Variants in AADAT observed in about 807,000 individuals in gnomAD.
The protein encoded by AADAT is aminoadipate aminotransferase.
In AADAT, 25 loss-of-function variants were observed where a neutral mutation model predicts 56.2. The ratio of observed to expected loss-of-function variants is 0.44; its 90% CI spans 0.32 to 0.62. The LOEUF (loss-of-function observed/expected upper bound fraction) is 0.62, where lower values mean the gene tolerates loss of function less well. AADAT is among the 20% of genes least tolerant of loss of function. The pLI, the probability that AADAT is intolerant of heterozygous loss-of-function variation, is 0.04. For missense variants in AADAT, 387 were observed against 510.5 expected, an observed-to-expected ratio of 0.76 and a Z score of 2.33; for synonymous variants, 173 against 164.7, an observed-to-expected ratio of 1.05 and a Z score of -0.39.
At chr4:170,062,716 T>G (rs1277204854) in intron 11 of AADAT, among the ~76,000 whole-genome samples, 1 of 152,134 alleles carries the variant, frequency 6.6e-6, no homozygotes, top group African/African-American at 2.4e-5. Flanking sequence ...TGAGAGCGAA[T>G]CCTAATCAAT....
chr4:170,088,622 G>A lies in AADAT; in HGVS notation c.68-58C>T, dbSNP rs1376608628. The A allele has an allele frequency of 2.6e-6, 4 of 1,518,534 alleles. No homozygotes were observed. In the African/African-American group the frequency reaches 4.1e-5, roughly 16 times the overall value. The allele number at this position is 1,518,534 out of a possible 1,614,324, so 94.1% of individuals were successfully genotyped here. A position where few individuals can be genotyped will look rare whatever the true frequency, so the allele number is the denominator to read the frequency against. ...CATTGAAGATTGTTATAAGCGGATA[G>A]TTAAGCATGCATTATAGTCAATAAA... is the stretch of plus-strand genomic sequence containing the variant. On this transcript the variant is annotated intron_variant, in intron 1 of 12. Coordinates refer to ENST00000337664, the MANE Select transcript of AADAT (RefSeq NM_016228.4).
At position 170,089,399 on chromosome 4, in the gene AADAT, C is replaced by G. The variant is rs1434477419; in HGVS notation, c.67+225G>C. 3 of 603,090 alleles carry G rather than the reference C, an allele frequency of 5.0e-6. No homozygotes were observed. In the East Asian group the frequency reaches 8.5e-5, roughly 17 times the overall value. The allele number at this position is 603,090 out of a possible 1,614,324, so 37.4% of individuals were successfully genotyped here. A position where few individuals can be genotyped will look rare whatever the true frequency, so the allele number is the denominator to read the frequency against. On this transcript the variant is annotated intron_variant, in intron 1 of 12. Coordinates refer to ENST00000337664, the MANE Select transcript of AADAT (RefSeq NM_016228.4). ...CAGTCTGCGCCTCTCTCTACTGTTG[C>G]TCCTACTCTGCTCCAGCAGAAATAC...
At chr4:170,070,487 G>T in intron 6 of AADAT, 100 bp downstream of exon 6, 1 of 752,736 alleles carries the variant, frequency 1.3e-6, no homozygotes, top group Non-Finnish European at 2.2e-6. Flanking sequence ...TGTAAAAGTG[G>T]ATTAGTTCTG....
chr4:170,061,894 C>G lies in AADAT; in HGVS notation c.1234G>C (p.Val412Leu), dbSNP rs780525079. 5.0e-6 allele frequency: 8 copies of G among 1,610,364 alleles called. No individual in the cohort carries two copies. The highest frequency in any genetic ancestry group is 1.7e-4 in the Middle Eastern group (1 of 6,044). ...FSSASPEQMD[V>L]AFQVLAQLIK... is the part of the protein sequence containing the mutation. The stretch of plus-strand genomic sequence containing the variant: ...TCTGAGGAGAATACTACACTCACCA[C>G]ATCCATCTGTTCTGGAGAAGCTGAA... The change falls in exon 12 of 13, where the codon GTG becomes CTG. Residue 412 changes from valine to leucine, a missense_variant and splice_region_variant. Physicochemically the swap from Val to Leu is conservative, Grantham distance 32. Coordinates refer to ENST00000337664, the MANE Select transcript of AADAT (RefSeq NM_016228.4).
At chr4:170,093,210 A>G (rs1054604419), upstream of AADAT, among the ~76,000 whole-genome samples, 12 of 152,210 alleles carry the variant, frequency 7.9e-5, no homozygotes, top group East Asian at 1.9e-4. Context: ...GGGTGGATCA[A>G]CTGAGGTCAG....
intron 1 of AADAT, 149 bp downstream of exon 1, chr4:170,089,475 T>C: frequency 2.4e-6 from 2 of 843,618 alleles, no homozygotes; most frequent in Non-Finnish European, 3.8e-6. Context: ...TGTGTCTATT[T>C]CATTTCTGCA....
intron 6 of AADAT, 102 bp from the exon 7 acceptor site, chr4:170,069,332 A>C (rs1185125753): frequency 2.4e-6 from 2 of 833,186 alleles, no homozygotes; most frequent in Non-Finnish European, 3.8e-6. Flanking sequence ...TTTGGATAAC[A>C]ACAGTACAAA....
chr4:170,078,404 A>G (rs1732136725), intron 4 of AADAT, 105 bp downstream of exon 4: 1 of 606,346 alleles, frequency 1.6e-6, no homozygotes, highest in Non-Finnish European at 2.7e-6. Context: ...TTTAAAGTTA[A>G]TAAGATATTA....
chr4:170,083,888 A>C (rs1322337906), intron 3 of AADAT, among the ~76,000 whole-genome samples: 3 of 152,188 alleles, frequency 2.0e-5, no homozygotes, highest in Admixed American at 6.5e-5. Context: ...TGCTGAGTAT[A>C]TATCCAAAAC....
At chr4:170,092,439 A>G (rs1219853422), upstream of AADAT, among the ~76,000 whole-genome samples, 5 of 152,222 alleles carry the variant, frequency 3.3e-5, no homozygotes, top group African/African-American at 1.2e-4. Context: ...AACCCACCAG[A>G]AGGAAGAAAC....
At chr4:170,068,946 A>AT (rs1731620302) in intron 7 of AADAT, among the ~76,000 whole-genome samples, 1 of 152,244 alleles carries the variant, frequency 6.6e-6, no homozygotes, top group South Asian at 2.1e-4. Context: ...ACAACTTTAG[A>AT]TAAACAGCCA....
At chr4:170,073,477 T>C (rs1731873380) in intron 4 of AADAT, 132 bp from the exon 5 acceptor site, 1 of 729,728 alleles carries the variant, frequency 1.4e-6, no homozygotes, top group Non-Finnish European at 2.2e-6. Flanking sequence ...CAACCAGCTC[T>C]GAGCTCCTGA....
intron 6 of AADAT, 129 bp downstream of exon 6, chr4:170,070,458 A>G (rs1406270215): frequency 9.5e-6 from 6 of 634,154 alleles, no homozygotes; most frequent in Non-Finnish European, 1.1e-5. Flanking sequence ...CAAATTAATC[A>G]TAATTGATTT....
At chr4:170,092,647 T>A (rs754909848), upstream of AADAT, among the ~76,000 whole-genome samples, 2 of 152,266 alleles carry the variant, frequency 1.3e-5, no homozygotes, top group African/African-American at 2.4e-5. Flanking sequence ...CTTCAAGTAG[T>A]TGAAATCCCA....
chr4:170,073,358 A>T lies in AADAT; in HGVS notation c.445-13T>A. On this transcript the variant is annotated splice_polypyrimidine_tract_variant and intron_variant, in intron 4 of 12. Transcript: ENST00000337664. ...CCAGTGGGTGCAGCTGTTGAGCACA[A>T]AAGAAAGCCTGAGTCAGTCATGATT... The T allele has an allele frequency of 6.2e-7, 1 of 1,609,908 alleles. No individual in the cohort carries two copies. The highest frequency in any genetic ancestry group is 1.7e-5 in the Admixed American group (1 of 59,416).
intron 2 of AADAT, among the ~76,000 whole-genome samples, chr4:170,087,959 G>A (rs539759854): frequency 8.1e-4 from 121 of 150,116 alleles, no homozygotes; most frequent in Non-Finnish European, 1.4e-3. Context: ...ATGAAGAAAC[G>A]GAAGATCCAG....
rs550008061 is a variant in AADAT at position 170,066,620 on chromosome 4, G to A, written c.963-142C>T. On this transcript the variant is annotated intron_variant, in intron 9 of 12. Coordinates refer to ENST00000337664, the MANE Select transcript of AADAT (RefSeq NM_016228.4). Reference sequence around the variant, plus strand: ...CTTGATAGAAGAATGGAGCATATTTGTTTCACTTGTCTGGTGAAAAACTTT... The same window carrying A: ...CTTGATAGAAGAATGGAGCATATTTATTTCACTTGTCTGGTGAAAAACTTT... 1,198 of 619,940 alleles carry A rather than the reference G, an allele frequency of 1.9e-3. 1 individual carries two copies. Among genetic ancestry groups the A allele is most frequent in the South Asian group, 2.6e-3 (121 of 46,844 alleles). The allele number at this position is 619,940 out of a possible 1,614,324, so 38.4% of individuals were successfully genotyped here. A position where few individuals can be genotyped will look rare whatever the true frequency, so the allele number is the denominator to read the frequency against.
At chr4:170,072,099 G>A (rs1349757168) in intron 5 of AADAT, among the ~76,000 whole-genome samples, 1 of 152,130 alleles carries the variant, frequency 6.6e-6, no homozygotes, top group Admixed American at 6.5e-5. Flanking sequence ...GCCGGTCATC[G>A]TGTACGTAAT....
At chr4:170,078,461 T>TTCTTA (rs1732142181) in intron 4 of AADAT, 48 bp downstream of exon 4, 1 of 1,128,326 alleles carries the variant, frequency 8.9e-7, no homozygotes, top group Non-Finnish European at 1.3e-6. Context: ...ATAAGTTTTC[T>TTCTTA]TCTTATTTAC....
Sources: gnomAD v4.1 joint callset for allele counts (sites outside exome capture counted in the v4.1 genomes callset) on GRCh38, gnomAD v4.1.1 for gene constraint, MANE v1.5 for transcripts, NCBI Gene and HGNC (gene_info 2026-07-23, HGNC 2026-07-21) for gene names.